The following KIF26B variants were observed in gnomAD, a reference collection of about 807,000 sequenced individuals.
KIF26B encodes kinesin family member 26B.
Under a neutral mutation model 151.2 loss-of-function variants are expected in KIF26B, and 63 were observed. The observed-to-expected ratio is 0.42, with a 90% CI of 0.34 to 0.51. KIF26B has a LOEUF of 0.51. Ranked by LOEUF, KIF26B falls within the 20% of genes least tolerant of loss-of-function variation. The pLI is 0.07. For missense variants in KIF26B, 2,813 were observed against 2,913.6 expected, an observed-to-expected ratio of 0.97 and a Z score of 0.79; for synonymous variants, 1,357 against 1,262.1, an observed-to-expected ratio of 1.08 and a Z score of -1.59.
At chr1:245,514,888 A>C (rs1191452900) in intron 4 of KIF26B, among the ~76,000 whole-genome samples, 1 of 152,212 alleles carries the variant, frequency 6.6e-6, no homozygotes, top group East Asian at 1.9e-4. Flanking sequence ...CATGGTGCTT[A>C]GCTTAGCGTC....
At chr1:245,682,947 C>T (rs1240076071) in intron 10 of KIF26B, among the ~76,000 whole-genome samples, 1 of 152,212 alleles carries the variant, frequency 6.6e-6, no homozygotes, top group Non-Finnish European at 1.5e-5. Flanking sequence ...CTTACCTCGC[C>T]ACGTTCATCA....
At chr1:245,416,112 CA>C (rs375247191) in intron 3 of KIF26B, among the ~76,000 whole-genome samples, 18,603 of 124,754 alleles carry the variant, frequency 0.15, 1,256 homozygotes, top group East Asian at 0.24. Context: ...AGTAAAAATA[CA>C]AAAAAAAAAA....
At chr1:245,532,368 C>G (rs1270157915) in intron 4 of KIF26B, among the ~76,000 whole-genome samples, 7 of 151,248 alleles carry the variant, frequency 4.6e-5, no homozygotes, top group Admixed American at 1.3e-4. Flanking sequence ...GCCTCAGCCT[C>G]CCGAGTAGCT....
intron 3 of KIF26B, among the ~76,000 whole-genome samples, chr1:245,408,520 A>AATTTTT (rs1317982183): frequency 6.6e-6 from 1 of 151,864 alleles, no homozygotes; most frequent in Non-Finnish European, 1.5e-5. Flanking sequence ...ATGCCTGGCT[A>AATTTTT]ATTTTTGTAT....
intron 2 of KIF26B, among the ~76,000 whole-genome samples, chr1:245,253,687 T>G (rs1329490643): frequency 6.6e-6 from 1 of 151,576 alleles, no homozygotes; most frequent in Admixed American, 6.6e-5. Flanking sequence ...AACTACTAAC[T>G]TAATTTTTTA....
chr1:245,505,656 A>T (rs1023903989), intron 4 of KIF26B, among the ~76,000 whole-genome samples: 1 of 152,262 alleles, frequency 6.6e-6, no homozygotes, highest in Admixed American at 6.5e-5. Context: ...AAGTTCTGGG[A>T]TTATAGGTAT....
chr1:245,449,184 G>A (rs1018484538), intron 4 of KIF26B, among the ~76,000 whole-genome samples: 2 of 152,138 alleles, frequency 1.3e-5, no homozygotes, highest in Non-Finnish European at 2.9e-5. Flanking sequence ...AGCTGCCATC[G>A]GCATCAAAGA....
At chr1:245,607,575 G>A in intron 6 of KIF26B, 76 bp from the exon 7 acceptor site, 1 of 1,190,848 alleles carries the variant, frequency 8.4e-7, no homozygotes. Context: ...CCAGGAAGGT[G>A]GGCTCACTTT....
intron 2 of KIF26B, among the ~76,000 whole-genome samples, chr1:245,303,383 A>G (rs1052517410): frequency 6.6e-6 from 1 of 150,734 alleles, no homozygotes; most frequent in South Asian, 2.1e-4. Flanking sequence ...TATTTTTAGT[A>G]GAGACGGGGT....
chr1:245,687,016 G>C lies in KIF26B; in HGVS notation c.4033G>C (p.Glu1345Gln), dbSNP rs1558271675. Residue 1345 changes from glutamate to glutamine, a missense_variant, in exon 12 of 15, where the codon GAG (glutamate) becomes CAG (glutamine). Coordinates refer to ENST00000407071, the MANE Select transcript of KIF26B (RefSeq NM_018012.4). This position sits in a 1 kb window ranked among gnomAD's most constrained non-coding sequence, Gnocchi z 4.9. The part of the protein sequence containing the change: ...ASPDNLLILS[E>Q]MGDDSFNKAA... ...CCCCGACAACTTGCTCATCCTGTCT[G>C]AGATGGGAGATGACTCTTTCAACAA... 1 of 1,613,492 alleles carries C rather than the reference G, an allele frequency of 6.2e-7. No individual in the cohort carries two copies. Among genetic ancestry groups the C allele is most frequent in the African/African-American group, 1.3e-5 (1 of 75,032 alleles).
Position 245,349,144 on chromosome 1 carries a change from T to C in KIF26B, c.466-17690T>C, listed in dbSNP as rs140625503. Among the ~76,000 whole-genome samples the C allele has an allele frequency of 2.2e-3, 334 of 152,336 alleles. 1 individual carries two copies. The highest frequency in any genetic ancestry group is 7.6e-3 in the African/African-American group (315 of 41,580). ...CTGGGTATAATAGGTGCTCGATAAATATTCTGTTGAATGAATCAATGAAGT... is the reference window on the plus strand; with the variant it reads ...CTGGGTATAATAGGTGCTCGATAAACATTCTGTTGAATGAATCAATGAAGT... On this transcript the variant is annotated intron_variant, in intron 2 of 14. Coordinates refer to ENST00000407071, the MANE Select transcript of KIF26B (RefSeq NM_018012.4).
intron 4 of KIF26B, among the ~76,000 whole-genome samples, chr1:245,518,716 G>C (rs539747476): frequency 1.3e-5 from 2 of 152,300 alleles, no homozygotes; most frequent in East Asian, 3.9e-4. Flanking sequence ...AAGAAGTGTA[G>C]AACAACATCT....
intron 2 of KIF26B, among the ~76,000 whole-genome samples, chr1:245,303,224 A>G (rs1004173702): frequency 2.6e-5 from 3 of 114,250 alleles, no homozygotes; most frequent in South Asian, 2.9e-4. Context: ...TTTGCGACGG[A>G]GTCTCGCTTT....
At chr1:245,322,637 T>A (rs550081983) in intron 2 of KIF26B, among the ~76,000 whole-genome samples, 3 of 152,322 alleles carry the variant, frequency 2.0e-5, no homozygotes, top group African/African-American at 7.2e-5. Flanking sequence ...GATTACCTGT[T>A]TGTATGGCAT....
intron 4 of KIF26B, among the ~76,000 whole-genome samples, chr1:245,485,181 A>G (rs921837444): frequency 1.3e-5 from 2 of 152,164 alleles, no homozygotes; most frequent in African/African-American, 4.8e-5. Flanking sequence ...TCATGCAGAC[A>G]GAAATAGTGA....
chr1:245,439,109 A>G (rs1472496535), intron 4 of KIF26B, among the ~76,000 whole-genome samples: 1 of 152,176 alleles, frequency 6.6e-6, no homozygotes, highest in Non-Finnish European at 1.5e-5. Context: ...GAACTTTGGC[A>G]GGCCGAGGTG....
At chr1:245,580,349 A>T (rs1384638920) in intron 5 of KIF26B, among the ~76,000 whole-genome samples, 1 of 152,146 alleles carries the variant, frequency 6.6e-6, no homozygotes, top group African/African-American at 2.4e-5. Flanking sequence ...AAAAGATACT[A>T]CCCGAGTGAG....
chr1:245,347,662 G>A (rs748088830), intron 2 of KIF26B, among the ~76,000 whole-genome samples: 6 of 152,074 alleles, frequency 3.9e-5, no homozygotes, highest in Admixed American at 2.0e-4. Context: ...TTTAAAATGC[G>A]TGTTTATACT....
chr1:245,403,147 A>AT (rs1338252989), intron 3 of KIF26B, among the ~76,000 whole-genome samples: 2 of 151,534 alleles, frequency 1.3e-5, no homozygotes, highest in African/African-American at 4.9e-5. Flanking sequence ...TTTTAAAAAA[A>AT]TTTTTTGTAG....
Sources: allele counts gnomAD v4.1 joint callset (sites outside exome capture counted in the v4.1 genomes callset), GRCh38; gene constraint gnomAD v4.1.1; non-coding constraint Gnocchi (gnomAD v3.1); transcripts MANE v1.5; gene names NCBI Gene and HGNC (gene_info 2026-07-23, HGNC 2026-07-21).